CDHR2: variants seen among roughly 807,000 people sequenced by gnomAD.
The protein encoded by CDHR2 is cadherin related family member 2.
In CDHR2, 104 loss-of-function variants were observed where a neutral mutation model predicts 138.6. The ratio of observed to expected loss-of-function variants is 0.75; its 90% CI spans 0.64 to 0.88. The LOEUF is 0.88. Among genes scored for constraint, CDHR2 ranks in the 40% least tolerant of loss-of-function variants. The pLI is 0.00. For missense variants in CDHR2, 1,624 were observed against 1,727.6 expected (o/e 0.94, Z 1.06); for synonymous variants, 755 against 742.8 (o/e 1.02, Z -0.27).
chr5:176,583,395 A>G (rs903863372), intron 17 of CDHR2, among the ~76,000 whole-genome samples: 1 of 152,214 alleles, frequency 6.6e-6, no homozygotes, highest in Non-Finnish European at 1.5e-5. Flanking sequence ...CAGAAAAGAC[A>G]TCTAGCTAAG....
In CDHR2 at chr5:176,592,700, G is replaced by A. The variant is rs557479670; in HGVS notation, c.3735-23G>A. 1.9e-6 allele frequency: 3 copies of A among 1,612,696 alleles called. No individual in the cohort carries two copies. The Admixed American group carries it at 5.0e-5, about 27-fold the overall frequency. ...GGGAGGACTGGGCCTGCCAACACCT[G>A]AGCTCCATCACCTCTCTTACAGCGT... On this transcript the variant is annotated intron_variant, in intron 30 of 31. Transcript: ENST00000261944.
chr5:176,561,067 T>TC (rs1206163614), intron 1 of CDHR2, among the ~76,000 whole-genome samples: 4 of 152,154 alleles, frequency 2.6e-5, no homozygotes, highest in Admixed American at 6.5e-5. Flanking sequence ...GAATGGGAAC[T>TC]CCAACAATGA....
At chr5:176,562,115 G>A (rs12655321) in intron 1 of CDHR2, among the ~76,000 whole-genome samples, 70,894 of 151,884 alleles carry the variant, frequency 0.47, 17,147 homozygotes, top group Admixed American at 0.55. Flanking sequence ...GAGTGGTCGA[G>A]GGTAGTCTTT....
upstream of CDHR2, among the ~76,000 whole-genome samples, chr5:176,546,803 C>A (rs1162133873): frequency 6.6e-6 from 1 of 150,556 alleles, no homozygotes; most frequent in Non-Finnish European, 1.5e-5. Flanking sequence ...CCAGAGGAGC[C>A]TGGTCTCTGG....
At chr5:176,567,011 C>A (rs1332543536) in intron 3 of CDHR2, 1 of 456,274 alleles carries the variant, frequency 2.2e-6, no homozygotes, top group Non-Finnish European at 4.4e-6. Context: ...GGGGTATTGA[C>A]AAATACAAAA....
intron 1 of CDHR2, among the ~76,000 whole-genome samples, chr5:176,552,662 A>AT (rs1437876395): frequency 1.3e-5 from 2 of 152,220 alleles, no homozygotes; most frequent in African/African-American, 4.8e-5. Context: ...CCAGAGGCAG[A>AT]TGCTCTGGAC....
chr5:176,568,031 G>T (rs895522329), intron 3 of CDHR2, among the ~76,000 whole-genome samples: 1 of 152,264 alleles, frequency 6.6e-6, no homozygotes, highest in Non-Finnish European at 1.5e-5. Context: ...CTGTGGCGGA[G>T]CTCCAGGGAA....
rs1178168013 is a variant in CDHR2, at chr5:176,590,166, G to T, written c.3275+20G>T. 6.2e-7 allele frequency: 1 copy of T among 1,613,042 alleles called. No homozygotes were observed. The highest frequency in any genetic ancestry group is 1.7e-5 in the Admixed American group (1 of 60,028). On this transcript the variant is annotated intron_variant, in intron 25 of 31. Transcript: ENST00000261944. ...AGCTCGGTGAGTGCCCAGAGGCCTG[G>T]GGGTGGGGTTGAGGGGGAGAAGCGG...
At position 176,595,629 on chromosome 5, in the gene CDHR2, G is replaced by A; in HGVS notation, c.3890G>A (p.Gly1297Glu). The A allele has an allele frequency of 6.2e-7, 1 of 1,611,820 alleles. No individual in the cohort carries two copies. ...GCAGGCGCAAGTGGACAGCTGGAGG[G>A]GCCATCCTACACCAACGCTGGCCTG... ...RQAGASGQLE[G>E]PSYTNAGLDT... Residue 1297 changes from glycine to glutamate, a missense_variant, in exon 32 of 32, where the codon GGG becomes GAG. Gly to Glu is a moderately conservative substitution (Grantham distance 98, BLOSUM62 -2). This residue lies in a region of CDHR2 where 556 missense variants were observed against 565.7 expected (regional missense o/e 0.98). Transcript: ENST00000261944.
intron 6 of CDHR2, 29 bp downstream of exon 6, chr5:176,571,331 G>A: frequency 6.5e-7 from 1 of 1,532,930 alleles, no homozygotes; most frequent in Non-Finnish European, 8.9e-7. Flanking sequence ...TGGTTGTGGG[G>A]CAGGGGGCAT....
chr5:176,584,796 A>G lies in CDHR2; in HGVS notation c.2515A>G (p.Ser839Gly), dbSNP rs780583998. Reference sequence around the variant, plus strand: ...GGTGGTTGCCTCGGATGTGGACACCAGTGCCCAGCTGGAGATACAGCTTGT... The same window carrying G: ...GGTGGTTGCCTCGGATGTGGACACCGGTGCCCAGCTGGAGATACAGCTTGT... ...AVVVASDVDT[S>G]AQLEIQLVNI... Residue 839 changes from serine (S) to glycine (G), a missense_variant, in exon 19 of 32, where the codon AGT becomes GGT. Physicochemically the swap from Ser to Gly is moderately conservative, Grantham distance 56 (BLOSUM62 0). Around this residue, in one of 3 missense-constraint regions of CDHR2, gnomAD observed 1,061 missense variants for 1,136.6 expected, o/e 0.93. Transcript: ENST00000261944. 4.3e-6 allele frequency: 7 copies of G among 1,614,174 alleles called. No homozygotes were observed. Among genetic ancestry groups the G allele is most frequent in the Non-Finnish European group, 5.9e-6 (7 of 1,180,026 alleles).
At chr5:176,560,897 A>G (rs1757950363) in intron 1 of CDHR2, among the ~76,000 whole-genome samples, 3 of 152,190 alleles carry the variant, frequency 2.0e-5, no homozygotes, top group African/African-American at 7.2e-5. Flanking sequence ...AAAAGAGGGA[A>G]TGCTGTGCTG....
intron 16 of CDHR2, among the ~76,000 whole-genome samples, chr5:176,579,408 G>A (rs1758475792): frequency 6.6e-6 from 1 of 152,240 alleles, no homozygotes; most frequent in South Asian, 2.1e-4. Flanking sequence ...TACACAGCCA[G>A]TAAATGATGG....
At chr5:176,595,388 GA>G in intron 31 of CDHR2, 143 bp from the exon 32 acceptor site, 2 of 880,312 alleles carry the variant, frequency 2.3e-6, no homozygotes, top group Middle Eastern at 3.6e-4. Context: ...ACACAGCCTG[GA>G]CCAGAGGCCC....
intron 30 of CDHR2, among the ~76,000 whole-genome samples, chr5:176,592,428 ATGGTGGTGATGATGGATGATGACGG>A (rs1386661825): frequency 2.5e-5 from 3 of 121,796 alleles, no homozygotes; most frequent in African/African-American, 1.0e-4. Flanking sequence ...GGTGATGGTG[ATGGTGGTGATGATGGATGATGACGG>A]TGGTGGTGGT....
intron 30 of CDHR2, among the ~76,000 whole-genome samples, chr5:176,592,354 GTAGTGA>G (rs1758900003): frequency 6.7e-6 from 1 of 148,760 alleles, no homozygotes; most frequent in Non-Finnish European, 1.5e-5. Flanking sequence ...GATGGTGATG[GTAGTGA>G]TGGTGATGGT....
intron 1 of CDHR2, among the ~76,000 whole-genome samples, chr5:176,558,573 C>T (rs1383849865): frequency 9.2e-5 from 14 of 152,072 alleles, no homozygotes; most frequent in Admixed American, 2.0e-4. Flanking sequence ...TTAGTAGAGA[C>T]GGGGTTTCTC....
At chr5:176,588,714 T>A (rs1270443296) in intron 21 of CDHR2, among the ~76,000 whole-genome samples, 2 of 103,606 alleles carry the variant, frequency 1.9e-5, no homozygotes, top group Non-Finnish European at 4.4e-5. Flanking sequence ...TGTGTGTGAG[T>A]GTGTGTGTGT....
chr5:176,588,471 G>A (rs1380379576), intron 21 of CDHR2, among the ~76,000 whole-genome samples: 5 of 134,900 alleles, frequency 3.7e-5, no homozygotes, highest in African/African-American at 1.5e-4. Flanking sequence ...GTGAGTGTAT[G>A]TGAGTGTGAG....
Sources: allele counts gnomAD v4.1 joint callset (sites outside exome capture counted in the v4.1 genomes callset), GRCh38; gene constraint gnomAD v4.1.1; regional missense constraint gnomAD v4.1.1; transcripts MANE v1.5; gene names NCBI Gene and HGNC (gene_info 2026-07-23, HGNC 2026-07-21).